The following HACE1 variants were observed in gnomAD, a reference collection of about 807,000 sequenced individuals.
HACE1 encodes the protein HECT domain and ankyrin repeat containing E3 ubiquitin protein ligase 1, also known as E3 ubiquitin-protein ligase HACE1.
A neutral mutation model predicts 118.4 loss-of-function variants in HACE1; 73 were observed. That is an observed-to-expected ratio of 0.62 (90% CI 0.51 to 0.75). The LOEUF (loss-of-function observed/expected upper bound fraction) is 0.75. HACE1 is among the 30% of genes least tolerant of loss of function. The pLI is 0.00. For missense variants in HACE1, 749 were observed against 1,102.2 expected (o/e 0.68, Z 4.54); for synonymous variants, 368 against 374.8 (o/e 0.98, Z 0.21).
chr6:104,787,686 G>C (rs961916366), intron 11 of HACE1, among the ~76,000 whole-genome samples: 1 of 152,190 alleles, frequency 6.6e-6, no homozygotes, highest in Admixed American at 6.5e-5. Context: ...GGCTGATCAT[G>C]CAGATGAGCA....
intron 14 of HACE1, 50 bp from the exon 15 acceptor site, chr6:104,777,367 A>C (rs1174559444): frequency 9.0e-7 from 1 of 1,111,568 alleles, no homozygotes; most frequent in East Asian, 2.3e-5. Flanking sequence ...TCAGTCATCT[A>C]ATTATCAGAT....
At chr6:104,805,531 A>G (rs1191661309) in intron 7 of HACE1, among the ~76,000 whole-genome samples, 1 of 152,234 alleles carries the variant, frequency 6.6e-6, no homozygotes, top group Non-Finnish European at 1.5e-5. Context: ...GCCATAAAAA[A>G]GGAGGAGTTC....
At chr6:104,751,270 T>G (rs1778017553) in intron 19 of HACE1, among the ~76,000 whole-genome samples, 1 of 152,232 alleles carries the variant, frequency 6.6e-6, no homozygotes, top group South Asian at 2.1e-4. Context: ...AAAAAGTGGC[T>G]GCCACTTTGA....
In HACE1 at chr6:104,750,246, T is replaced by A. The variant is rs903162800; in HGVS notation, c.2343+95A>T. 154 of 1,023,456 alleles carry A rather than the reference T, an allele frequency of 1.5e-4. 1 individual carries two copies. In the African/African-American group the frequency reaches 2.3e-3, roughly 15 times the overall value. The allele number at this position is 1,023,456 out of a possible 1,614,324, so 63.4% of individuals were successfully genotyped here. A position where few individuals can be genotyped will look rare whatever the true frequency, so the allele number is the denominator to read the frequency against. ...CATTTTGTCTCATTTATACATTATT[T>A]CATTCATCATAATACTCCACAATTA... On this transcript the variant is annotated intron_variant, in intron 20 of 23. Coordinates refer to ENST00000262903, the MANE Select transcript of HACE1 (RefSeq NM_020771.4).
At chr6:104,826,411 G>C (rs1385489015) in intron 6 of HACE1, among the ~76,000 whole-genome samples, 1 of 152,130 alleles carries the variant, frequency 6.6e-6, no homozygotes, top group Non-Finnish European at 1.5e-5. Flanking sequence ...GTGCTATCCA[G>C]AAAAATAAAC....
chr6:104,739,431 G>T (rs1256527884), intron 22 of HACE1, among the ~76,000 whole-genome samples: 1 of 152,032 alleles, frequency 6.6e-6, no homozygotes, highest in Admixed American at 6.6e-5. Flanking sequence ...CATCTCACGT[G>T]CAGAGACACA....
chr6:104,803,005 G>C (rs1282870569), intron 7 of HACE1, among the ~76,000 whole-genome samples: 3 of 152,102 alleles, frequency 2.0e-5, no homozygotes, highest in African/African-American at 7.2e-5. Flanking sequence ...GAATCAAACA[G>C]ACACAATAAG....
chr6:104,737,636 C>A (rs1410245068), intron 22 of HACE1, among the ~76,000 whole-genome samples: 3 of 152,204 alleles, frequency 2.0e-5, no homozygotes, highest in African/African-American at 4.8e-5. Flanking sequence ...TAAAAAACGG[C>A]GCACCACGAG....
chr6:104,750,288 A>G lies in HACE1; in HGVS notation c.2343+53T>C, dbSNP rs984303156. 20 of 1,454,042 alleles carry G rather than the reference A, an allele frequency of 1.4e-5. 1 individual carries two copies. The South Asian group carries it at 2.2e-4, about 16-fold the overall frequency. The allele number at this position is 1,454,042 out of a possible 1,614,324, so 90.1% of individuals were successfully genotyped here. A position where few individuals can be genotyped will look rare whatever the true frequency, so the allele number is the denominator to read the frequency against. ...CCACAATTATTTCTGAATTACATCAACTAGAGTTTTTTGTTGTTGTGTTAC... is the reference window on the plus strand; with the variant it reads ...CCACAATTATTTCTGAATTACATCAGCTAGAGTTTTTTGTTGTTGTGTTAC... On this transcript the variant is annotated intron_variant, in intron 20 of 23. Transcript: ENST00000262903.
chr6:104,780,751 G>C (rs1283929636), intron 14 of HACE1, among the ~76,000 whole-genome samples: 1 of 152,052 alleles, frequency 6.6e-6, no homozygotes, highest in Non-Finnish European at 1.5e-5. Flanking sequence ...CCCATTTCAA[G>C]TCTTGCCAAT....
At chr6:104,828,559 GA>G (rs1212541509) in intron 6 of HACE1, among the ~76,000 whole-genome samples, 2 of 151,912 alleles carry the variant, frequency 1.3e-5, no homozygotes, top group African/African-American at 4.8e-5. Flanking sequence ...AAATTATTAA[GA>G]AGTTGTTATG....
At chr6:104,792,076 T>G (rs1323155118) in intron 10 of HACE1, among the ~76,000 whole-genome samples, 1 of 152,186 alleles carries the variant, frequency 6.6e-6, no homozygotes. Context: ...CACAACTGTT[T>G]TAACGAAGAA....
chr6:104,741,052 A>C, intron 22 of HACE1, among the ~76,000 whole-genome samples: 1 of 129,430 alleles, frequency 7.7e-6, no homozygotes, highest in Non-Finnish European at 1.6e-5. Context: ...AGAACCAAAG[A>C]CAAAAACCAC....
chr6:104,797,065 TAA>T (rs1421443541), intron 7 of HACE1, 40 bp from the exon 8 acceptor site: 4 of 1,105,684 alleles, frequency 3.6e-6, no homozygotes, highest in Non-Finnish European at 5.6e-6. Flanking sequence ...ACAATCTTTT[TAA>T]AGTCTTTCTC....
intron 19 of HACE1, among the ~76,000 whole-genome samples, chr6:104,763,592 T>C (rs1464902141): frequency 1.3e-5 from 2 of 150,490 alleles, no homozygotes; most frequent in African/African-American, 2.4e-5. Flanking sequence ...TACTTAATGG[T>C]TAAAAAAAAA....
At chr6:104,781,142 T>C (rs1781692591) in intron 14 of HACE1, among the ~76,000 whole-genome samples, 1 of 152,188 alleles carries the variant, frequency 6.6e-6, no homozygotes, top group South Asian at 2.1e-4. Context: ...GGAGATAATC[T>C]GAGACTGTGT....
At chr6:104,790,397 A>G (rs1409852063) in intron 11 of HACE1, among the ~76,000 whole-genome samples, 1 of 152,238 alleles carries the variant, frequency 6.6e-6, no homozygotes, top group African/African-American at 2.4e-5. Flanking sequence ...GTGGCACATA[A>G]AAACATTTAT....
At chr6:104,852,925 T>C (rs745570489) in intron 1 of HACE1, among the ~76,000 whole-genome samples, 9 of 152,242 alleles carry the variant, frequency 5.9e-5, no homozygotes, top group Admixed American at 2.0e-4. Flanking sequence ...TAGAAGCTTT[T>C]ATGAAAGAGC....
intron 6 of HACE1, among the ~76,000 whole-genome samples, chr6:104,832,586 G>A (rs1160860351): frequency 1.3e-5 from 2 of 151,976 alleles, no homozygotes; most frequent in African/African-American, 2.4e-5. Context: ...TAGTAGAGAT[G>A]GGGTTTCGCC....
Sources: gnomAD v4.1 joint callset for allele counts (sites outside exome capture counted in the v4.1 genomes callset) on GRCh38, gnomAD v4.1.1 for gene constraint, MANE v1.5 for transcripts, NCBI Gene and HGNC (gene_info 2026-07-23, HGNC 2026-07-21) for gene names.